NYAP2: variants seen among roughly 807,000 people sequenced by gnomAD.
The protein encoded by NYAP2 is neuronal tyrosine-phosphorylated phosphoinositide-3-kinase adapter 2.
NYAP2 carries 23 observed loss-of-function variants against 50.4 expected under a neutral mutation model. The observed-to-expected ratio is 0.46, with a 90% CI of 0.33 to 0.65. NYAP2 has a LOEUF of 0.65. Among genes scored for constraint, NYAP2 ranks in the 30% least tolerant of loss-of-function variants. The pLI is 0.02. For synonymous variants in NYAP2, 394 were observed against 365.2 expected, an observed-to-expected ratio of 1.08 and a Z score of -0.90; for missense variants, 885 against 861.0, an observed-to-expected ratio of 1.03 and a Z score of -0.35.
At chr2:225,650,488 G>C (rs903802119) in intron 6 of NYAP2, among the ~76,000 whole-genome samples, 3 of 152,164 alleles carry the variant, frequency 2.0e-5, no homozygotes, top group African/African-American at 7.2e-5. Flanking sequence ...TTATTTATTA[G>C]GCAAAGACTG....
intron 4 of NYAP2, among the ~76,000 whole-genome samples, chr2:225,549,996 T>A (rs1439812074): frequency 4.4e-5 from 6 of 136,844 alleles, no homozygotes; most frequent in African/African-American, 1.6e-4. Flanking sequence ...AAAAAATAAA[T>A]AAATAAATAA....
chr2:225,672,243 T>G, the NYAP2 span, among the ~76,000 whole-genome samples: 2 of 152,132 alleles, frequency 1.3e-5, no homozygotes, highest in Non-Finnish European at 2.9e-5. Context: ...ATAGCCACCT[T>G]CATCAGTTAT....
At chr2:225,401,686 G>A (rs1694864781) in intron 2 of NYAP2, among the ~76,000 whole-genome samples, 2 of 151,698 alleles carry the variant, frequency 1.3e-5, no homozygotes, top group Non-Finnish European at 2.9e-5. Context: ...ATTTTGTTGG[G>A]GTGTCTCCAT....
downstream of NYAP2, among the ~76,000 whole-genome samples, chr2:225,658,857 A>G (rs1244485714): frequency 1.3e-5 from 2 of 152,244 alleles, no homozygotes; most frequent in Non-Finnish European, 2.9e-5. Context: ...TTTACAACTT[A>G]GCTGAAGTAT....
intron 5 of NYAP2, among the ~76,000 whole-genome samples, chr2:225,625,812 C>A (rs1693199520): frequency 1.3e-5 from 2 of 152,084 alleles, no homozygotes; most frequent in African/African-American, 4.8e-5. Flanking sequence ...TTCAGGGTTA[C>A]ATTATGATCA....
At chr2:225,644,203 A>G (rs1693586551) in intron 6 of NYAP2, among the ~76,000 whole-genome samples, 2 of 152,216 alleles carry the variant, frequency 1.3e-5, no homozygotes, top group South Asian at 4.1e-4. Flanking sequence ...GATGCTGAGC[A>G]TTTTTTCATG....
chr2:225,633,446 T>A (rs1263049961), intron 6 of NYAP2, among the ~76,000 whole-genome samples: 1 of 152,226 alleles, frequency 6.6e-6, no homozygotes, highest in African/African-American at 2.4e-5. Flanking sequence ...CATTAGCAAG[T>A]GAAGCAGGAA....
chr2:225,423,221 T>C (rs1341373569), intron 3 of NYAP2, among the ~76,000 whole-genome samples: 1 of 152,162 alleles, frequency 6.6e-6, no homozygotes, highest in African/African-American at 2.4e-5. Context: ...TAGGATGGTA[T>C]TGGGTTTTAG....
At position 225,576,841 on chromosome 2, in the gene NYAP2, T is replaced by C. The variant is rs537023018; in HGVS notation, c.524-5100T>C. On this transcript the variant is annotated intron_variant, in intron 4 of 6. Coordinates refer to ENST00000636099, the Ensembl canonical transcript of NYAP2. ...TATTGTGGTTAGTAAGGAATTCATA[T>C]TTGTTCATTAGTAATATATGGAATC... Among the ~76,000 whole-genome samples the C allele has an allele frequency of 1.4e-3, 208 of 152,298 alleles. 1 individual carries two copies. The highest frequency in any genetic ancestry group is 4.7e-3 in the African/African-American group (195 of 41,572).
At chr2:225,515,439 C>T (rs1402754290) in intron 4 of NYAP2, among the ~76,000 whole-genome samples, 2 of 151,892 alleles carry the variant, frequency 1.3e-5, no homozygotes, top group African/African-American at 2.4e-5. Flanking sequence ...TGTTTTGCAG[C>T]TACAATGAAT....
intron 4 of NYAP2, among the ~76,000 whole-genome samples, chr2:225,538,148 G>A (rs1216643642): frequency 2.0e-5 from 3 of 152,180 alleles, no homozygotes; most frequent in African/African-American, 7.2e-5. Flanking sequence ...AGTTTTTCCA[G>A]GTGCATGGTG....
intron 6 of NYAP2, among the ~76,000 whole-genome samples, chr2:225,635,584 A>T (rs563050016): frequency 2.1e-4 from 32 of 152,332 alleles, no homozygotes; most frequent in African/African-American, 7.2e-4. Flanking sequence ...GCACATTGCA[A>T]ATATGATAAG....
At chr2:225,493,504 A>G (rs1559195006) in intron 3 of NYAP2, among the ~76,000 whole-genome samples, 1 of 152,182 alleles carries the variant, frequency 6.6e-6, no homozygotes, top group Non-Finnish European at 1.5e-5. Flanking sequence ...GGATTTCCAT[A>G]GTTTCTCAAA....
chr2:225,654,525 A>G (rs1693793345), downstream of NYAP2, among the ~76,000 whole-genome samples: 1 of 151,976 alleles, frequency 6.6e-6, no homozygotes, highest in Non-Finnish European at 1.5e-5. Flanking sequence ...TGTACTAAAA[A>G]TACAAAAAAT....
the NYAP2 span, among the ~76,000 whole-genome samples, chr2:225,679,493 G>GTTTTTTTTTTTTTTTTTTTTTTTTTT: frequency 3.9e-5 from 4 of 103,884 alleles, no homozygotes; most frequent in Non-Finnish European, 5.5e-5. Flanking sequence ...GCTTCTAATT[G>GTTTTTTTTTTTTTTTTTTTTTTTTTT]TTTTTTTTTT....
the NYAP2 span, among the ~76,000 whole-genome samples, chr2:225,674,168 C>T: frequency 6.6e-6 from 1 of 152,154 alleles, no homozygotes; most frequent in African/African-American, 2.4e-5. Context: ...TTCATTTCTT[C>T]TGACAAGACT....
chr2:225,597,506 A>C, intron 5 of NYAP2, among the ~76,000 whole-genome samples: 1 of 17,896 alleles, frequency 5.6e-5, no homozygotes, highest in African/African-American at 1.3e-4. Flanking sequence ...TAGTATTCCA[A>C]GGAGAAATAT....
At chr2:225,671,508 C>T in the NYAP2 span, among the ~76,000 whole-genome samples, 2 of 152,126 alleles carry the variant, frequency 1.3e-5, no homozygotes, top group South Asian at 4.1e-4. Flanking sequence ...CACTTTACCA[C>T]ATCTGCAGTC....
At chr2:225,469,656 A>G (rs1689981150) in intron 3 of NYAP2, among the ~76,000 whole-genome samples, 1 of 152,218 alleles carries the variant, frequency 6.6e-6, no homozygotes, top group Admixed American at 6.5e-5. Flanking sequence ...TACACCATGG[A>G]ATACTATGCA....
Sources: gnomAD v4.1 joint callset for allele counts (sites outside exome capture counted in the v4.1 genomes callset) on GRCh38, gnomAD v4.1.1 for gene constraint, MANE v1.5 for transcripts, NCBI Gene and HGNC (gene_info 2026-07-23, HGNC 2026-07-21) for gene names.